The following FER variants were observed in gnomAD, a reference collection of about 807,000 sequenced individuals.
FER encodes FER tyrosine kinase.
In FER, 63 loss-of-function variants were observed where a neutral mutation model predicts 111.0. The ratio of observed to expected loss-of-function variants is 0.57; its 90% CI spans 0.46 to 0.70. FER has a LOEUF of 0.70. Ranked by LOEUF, FER falls within the 30% of genes least tolerant of loss-of-function variation. The probability of loss-of-function intolerance (pLI) is 0.00; values close to 1 mark genes in which losing one functional copy is unlikely to be tolerated. For synonymous variants in FER, 327 were observed against 313.9 expected (o/e 1.04, Z -0.44); for missense variants, 914 against 954.0 (o/e 0.96, Z 0.55).
At position 109,193,068 on chromosome 5, in the gene FER, C is replaced by G. The variant is rs1759490341; in HGVS notation, c.*5493C>G. 1 of 152,144 alleles carries G rather than the reference C, an allele frequency of 6.6e-6. No individual in the cohort carries two copies. The highest frequency in any genetic ancestry group is 1.5e-5 in the Non-Finnish European group (1 of 68,034). The allele number at this position is 152,144 out of a possible 1,614,324, so 9.4% of individuals were successfully genotyped here. On this transcript the variant is annotated 3_prime_UTR_variant, in exon 20 of 20. Transcript: ENST00000281092. ...TAACCCTCACAAAGGGTTTGAGGAG[C>G]TTCCTGCTGTGTGTCCTTAAACAGT...
At position 108,920,074 on chromosome 5, in the gene FER, G is replaced by C. The variant is rs1267132033; in HGVS notation, c.1236+22226G>C. 3.9e-5 allele frequency among the ~76,000 whole-genome samples: 6 copies of C among 152,052 alleles called. No homozygotes were observed. In the East Asian group the frequency reaches 1.2e-3, roughly 29 times the overall value. Reference sequence around the variant, plus strand: ...CAGAGACTACAGTCCCCTTATTATAGATATTTTAGTTCTTTTTAGTTATGT... The same window carrying C: ...CAGAGACTACAGTCCCCTTATTATACATATTTTAGTTCTTTTTAGTTATGT... On this transcript the variant is annotated intron_variant, in intron 10 of 19. Coordinates refer to ENST00000281092, the MANE Select transcript of FER (RefSeq NM_005246.4).
intron 16 of FER, among the ~76,000 whole-genome samples, chr5:109,060,737 T>TTGTGTG (rs906863220): frequency 6.7e-6 from 1 of 148,862 alleles, no homozygotes; most frequent in Admixed American, 6.7e-5. Context: ...TGTACTGTGA[T>TTGTGTG]TGTGTGTGTG....
intron 1 of FER, among the ~76,000 whole-genome samples, chr5:108,766,548 A>C (rs181084024): frequency 6.6e-6 from 1 of 152,250 alleles, no homozygotes; most frequent in African/African-American, 2.4e-5. Flanking sequence ...GAGCTTTGCT[A>C]TATCTAGAAG....
At position 108,835,757 on chromosome 5, in the gene FER, T is replaced by G. The variant is rs1431368537; in HGVS notation, c.431T>G (p.Ile144Arg). The change falls in exon 5 of 20, where the codon ATA (isoleucine) becomes AGA (arginine). Residue 144 changes from isoleucine (I) to arginine (R), a missense_variant. By Grantham distance (97) the Ile-to-Arg change is moderately conservative. Transcript: ENST00000281092. Reference protein sequence around the residue: ...EKLKCSYRQLIKEMNSAKEKY... With the variant: ...EKLKCSYRQLRKEMNSAKEKY... The stretch of plus-strand genomic sequence containing the variant: ...TTAAAATGCAGCTATAGACAATTAA[T>G]AAAAGAAATGAATTCTGCCAAAGAG... 2 of 1,571,330 alleles carry G rather than the reference T, an allele frequency of 1.3e-6. No individual in the cohort carries two copies. Among genetic ancestry groups the G allele is most frequent in the Non-Finnish European group, 1.7e-6 (2 of 1,166,586 alleles).
Position 108,927,252 on chromosome 5 carries a change from CTTTTT to C in FER, c.1237-18863_1237-18859del, listed in dbSNP as rs766702172. Among the ~76,000 whole-genome samples, 62 of 95,252 alleles carry C rather than the reference CTTTTT, an allele frequency of 6.5e-4. 4 individuals are homozygous for C. Among genetic ancestry groups the C allele is most frequent in the African/African-American group, 3.1e-3 (53 of 17,250 alleles). The allele number at this position is 95,252 out of a possible 152,430, so 62.5% of individuals were successfully genotyped here. A position where few individuals can be genotyped will look rare whatever the true frequency, so the allele number is the denominator to read the frequency against. Reference sequence around the variant, plus strand: ...TGTAATTCAGCATTGAGAAGTGGCTCTTTTTTTTTTTTTTTTTTTGAGACGGAGTC... The same window carrying C: ...TGTAATTCAGCATTGAGAAGTGGCTCTTTTTTTTTTTTTTGAGACGGAGTC... On this transcript the variant is annotated intron_variant, in intron 10 of 19. Transcript: ENST00000281092.
intron 16 of FER, among the ~76,000 whole-genome samples, chr5:109,050,097 T>A (rs1312858226): frequency 6.6e-6 from 1 of 152,212 alleles, no homozygotes; most frequent in Non-Finnish European, 1.5e-5. Flanking sequence ...CATTAATGAC[T>A]AAAGCCTGTT....
intron 17 of FER, among the ~76,000 whole-genome samples, chr5:109,152,203 G>A (rs763335195): frequency 3.3e-5 from 5 of 151,986 alleles, no homozygotes; most frequent in South Asian, 2.1e-4. Flanking sequence ...ATCAAAGTCA[G>A]TTCCTGAGAG....
chr5:108,749,935 C>T lies in FER; in HGVS notation c.-206+1935C>T, dbSNP rs1211421141. On this transcript the variant is annotated intron_variant, in intron 1 of 19. Coordinates refer to ENST00000281092, the MANE Select transcript of FER (RefSeq NM_005246.4). The stretch of plus-strand genomic sequence containing the variant: ...TGTACGTTTGCGATTTTGCCATCCA[C>T]TGTAGTGCAATTCAAAATCTAATAA... Among the ~76,000 whole-genome samples the T allele has an allele frequency of 3.9e-5, 6 of 152,332 alleles. No individual in the cohort carries two copies. In the East Asian group the frequency reaches 9.6e-4, roughly 24 times the overall value.
At chr5:108,943,797 A>C (rs1756597683) in intron 10 of FER, among the ~76,000 whole-genome samples, 1 of 152,024 alleles carries the variant, frequency 6.6e-6, no homozygotes, top group South Asian at 2.1e-4. Context: ...ACAGTGGTAC[A>C]GTCTGGCCTC....
intron 10 of FER, among the ~76,000 whole-genome samples, chr5:108,921,527 T>C (rs1238857772): frequency 6.6e-6 from 1 of 152,126 alleles, no homozygotes; most frequent in Non-Finnish European, 1.5e-5. Flanking sequence ...CTCTTAGAAC[T>C]CGTATCAACA....
chr5:108,862,935 A>G (rs1462879155), intron 5 of FER, among the ~76,000 whole-genome samples: 1 of 152,120 alleles, frequency 6.6e-6, no homozygotes, highest in Non-Finnish European at 1.5e-5. Flanking sequence ...ACTCTTATTC[A>G]GGAATTAATA....
intron 13 of FER, among the ~76,000 whole-genome samples, chr5:109,002,473 C>G (rs1165883094): frequency 6.6e-6 from 1 of 151,750 alleles, no homozygotes; most frequent in African/African-American, 2.4e-5. Context: ...AAAATTAATT[C>G]AAGATGGATT....
At chr5:108,946,085 T>G (rs1207293798) in intron 10 of FER, 45 bp from the exon 11 acceptor site, 2 of 1,317,376 alleles carry the variant, frequency 1.5e-6, no homozygotes, top group African/African-American at 2.9e-5. Flanking sequence ...CTATACATAT[T>G]GGATAGTTTA....
intron 17 of FER, among the ~76,000 whole-genome samples, chr5:109,164,917 G>A (rs1014005586): frequency 1.3e-5 from 2 of 152,054 alleles, no homozygotes; most frequent in East Asian, 3.9e-4. Context: ...CAATTATGTA[G>A]TCGTAATTGT....
At chr5:108,815,667 A>C (rs1758198892) in intron 3 of FER, among the ~76,000 whole-genome samples, 2 of 152,186 alleles carry the variant, frequency 1.3e-5, no homozygotes, top group African/African-American at 4.8e-5. Context: ...CAAATGATGC[A>C]AGGTACTTAA....
intron 17 of FER, among the ~76,000 whole-genome samples, chr5:109,118,082 G>A (rs1250270944): frequency 6.6e-6 from 1 of 152,014 alleles, no homozygotes; most frequent in Non-Finnish European, 1.5e-5. Context: ...TCCGTGTCTT[G>A]TGCCAATTTT....
intron 18 of FER, among the ~76,000 whole-genome samples, chr5:109,183,043 A>G (rs187904225): frequency 2.6e-5 from 4 of 152,202 alleles, no homozygotes; most frequent in Admixed American, 1.3e-4. Flanking sequence ...GGACTTTTTT[A>G]GTAGACTTTA....
At chr5:109,042,526 C>G (rs1771324451) in intron 14 of FER, among the ~76,000 whole-genome samples, 1 of 152,112 alleles carries the variant, frequency 6.6e-6, no homozygotes, top group Non-Finnish European at 1.5e-5. Flanking sequence ...TCCCCCTGAC[C>G]ACCGTTGATA....
chr5:109,091,012 G>GA (rs1778108930), intron 16 of FER, among the ~76,000 whole-genome samples: 1 of 152,150 alleles, frequency 6.6e-6, no homozygotes, highest in South Asian at 2.1e-4. Flanking sequence ...ATCAAAAGGG[G>GA]AACAGAGCAT....
Sources: gnomAD v4.1 joint callset for allele counts (sites outside exome capture counted in the v4.1 genomes callset) on GRCh38, gnomAD v4.1.1 for gene constraint, MANE v1.5 for transcripts, NCBI Gene and HGNC (gene_info 2026-07-23, HGNC 2026-07-21) for gene names.